Variants in RIN3 observed in about 807,000 individuals in gnomAD.
RIN3 encodes the protein RAB5 interacting protein 3.
In RIN3, 54 loss-of-function variants were observed where a neutral mutation model predicts 76.3. The ratio of observed to expected loss-of-function variants is 0.71; its 90% CI spans 0.57 to 0.89. The LOEUF (loss-of-function observed/expected upper bound fraction) is 0.89. Ranked by LOEUF, RIN3 falls within the 40% of genes least tolerant of loss-of-function variation. RIN3 has a pLI of 0.00. For synonymous variants in RIN3, 576 were observed against 564.0 expected (o/e 1.02, Z -0.30); for missense variants, 1,256 against 1,322.1 (o/e 0.95, Z 0.78).
chr14:92,551,544 C>T (rs751006141), intron 1 of RIN3, among the ~76,000 whole-genome samples: 7 of 152,132 alleles, frequency 4.6e-5, no homozygotes, highest in African/African-American at 7.2e-5. Context: ...CTAAAGTGCT[C>T]GTTCCAATGT....
At chr14:92,683,966 A>G (rs142825351) in intron 8 of RIN3, among the ~76,000 whole-genome samples, 14 of 152,338 alleles carry the variant, frequency 9.2e-5, no homozygotes, top group African/African-American at 3.4e-4. Context: ...GTTGAAATGC[A>G]TTTAATCCAC....
intron 4 of RIN3, 70 bp from the exon 5 acceptor site, chr14:92,641,168 C>T: frequency 8.1e-7 from 1 of 1,234,834 alleles, no homozygotes. Context: ...TGCCAGGGCT[C>T]TTCCTTTGTG....
At chr14:92,675,525 C>G (rs1888429102) in intron 7 of RIN3, among the ~76,000 whole-genome samples, 2 of 152,228 alleles carry the variant, frequency 1.3e-5, no homozygotes, top group Admixed American at 1.3e-4. Context: ...GTCTGGAGAC[C>G]TTTGCCTGAG....
intron 1 of RIN3, among the ~76,000 whole-genome samples, chr14:92,534,318 G>A (rs1388719700): frequency 1.3e-5 from 2 of 148,568 alleles, no homozygotes; most frequent in Admixed American, 6.8e-5. Context: ...GGTGGCTCAC[G>A]CCTATAATCC....
chr14:92,687,870 G>A, intron 9 of RIN3, 56 bp from the exon 10 acceptor site: 1 of 1,433,760 alleles, frequency 7.0e-7, no homozygotes, highest in Non-Finnish European at 9.2e-7. Flanking sequence ...GGCCGGGAGA[G>A]GGCGCCTGAG....
intron 9 of RIN3, chr14:92,687,507 A>C: frequency 5.2e-6 from 1 of 192,122 alleles, no homozygotes. Flanking sequence ...CGCCCGCACT[A>C]TGGGATGCCC....
chr14:92,585,541 A>C (rs1486133398), intron 3 of RIN3, among the ~76,000 whole-genome samples: 2 of 152,224 alleles, frequency 1.3e-5, no homozygotes, highest in Non-Finnish European at 2.9e-5. Context: ...GTCAGCTTCA[A>C]CTACTTAACC....
Position 92,651,959 on chromosome 14 carries a change from G to C in RIN3, c.910G>C (p.Ala304Pro). ...CCAGCCCCCTGTGCTCCCTGCTCTT[G>C]CCCCCGCCCCTGCCTGTCCTTTGCC... is the stretch of plus-strand genomic sequence containing the variant. ...PAQPPVLPAL[A>P]PAPACPLPTS... is the part of the protein sequence containing the mutation. The change falls in exon 6 of 10, where the codon GCC becomes CCC. Residue 304 changes from alanine (A) to proline (P), a missense_variant. This residue lies in a region of RIN3 where 610 missense variants were observed against 626.4 expected (regional missense o/e 0.97). Transcript: ENST00000216487. 6.8e-7 allele frequency: 1 copy of C among 1,470,138 alleles called. No individual in the cohort carries two copies. The allele number at this position is 1,470,138 out of a possible 1,614,324, so 91.1% of individuals were successfully genotyped here.
intron 3 of RIN3, among the ~76,000 whole-genome samples, chr14:92,602,553 A>G (rs953770306): frequency 1.3e-5 from 2 of 152,228 alleles, no homozygotes; most frequent in African/African-American, 4.8e-5. Flanking sequence ...TATTAAAGGT[A>G]GATAATGGAG....
chr14:92,556,757 T>TA (rs1281010318), intron 2 of RIN3, among the ~76,000 whole-genome samples: 1 of 152,226 alleles, frequency 6.6e-6, no homozygotes, highest in Admixed American at 6.5e-5. Context: ...ACCAAAGTGA[T>TA]ACACATATGT....
chr14:92,674,756 G>A (rs1357652677), intron 7 of RIN3, among the ~76,000 whole-genome samples: 2 of 152,080 alleles, frequency 1.3e-5, no homozygotes, highest in Non-Finnish European at 1.5e-5. Context: ...GGGTATGGCA[G>A]CGCACGCCTG....
At chr14:92,556,145 G>C (rs1290845844) in intron 2 of RIN3, among the ~76,000 whole-genome samples, 190 bp downstream of exon 2, 2 of 152,186 alleles carry the variant, frequency 1.3e-5, no homozygotes, top group African/African-American at 4.8e-5. Flanking sequence ...GGGCTGGTGA[G>C]AGGCCTGGTT....
chr14:92,641,619 C>A (rs1006114941), intron 5 of RIN3, among the ~76,000 whole-genome samples: 3 of 152,176 alleles, frequency 2.0e-5, no homozygotes, highest in African/African-American at 2.4e-5. Context: ...AGAAGCCGAG[C>A]TTTACCCCAG....
At chr14:92,686,550 G>C (rs1369037136) in intron 9 of RIN3, 1 of 152,310 alleles carries the variant, frequency 6.6e-6, no homozygotes, top group Admixed American at 6.5e-5. Flanking sequence ...CAGACTGTAG[G>C]GACATGGACA....
intron 4 of RIN3, among the ~76,000 whole-genome samples, chr14:92,620,407 A>C (rs1046162601): frequency 1.3e-5 from 2 of 152,244 alleles, no homozygotes; most frequent in African/African-American, 4.8e-5. Context: ...TACGCAGAAC[A>C]CTTAAATTAT....
At chr14:92,659,672 C>T (rs959230549) in intron 7 of RIN3, 14 of 485,410 alleles carry the variant, frequency 2.9e-5, no homozygotes, top group Admixed American at 1.5e-4. Context: ...GAGCCATGAT[C>T]GGCTGTTGCC....
chr14:92,636,395 T>C (rs10873428), intron 4 of RIN3, among the ~76,000 whole-genome samples: 136,344 of 152,232 alleles, frequency 0.9, 61,283 homozygotes, highest in African/African-American at 0.94. Flanking sequence ...ACCAGCCTGG[T>C]CAACATGGTG....
At chr14:92,561,085 A>T (rs918247732) in intron 2 of RIN3, among the ~76,000 whole-genome samples, 1 of 130,992 alleles carries the variant, frequency 7.6e-6, no homozygotes, top group Admixed American at 8.8e-5. Flanking sequence ...AAATATATAT[A>T]TATCTGCCAT....
intron 1 of RIN3, among the ~76,000 whole-genome samples, chr14:92,553,467 C>T (rs757992590): frequency 2.0e-5 from 3 of 152,078 alleles, no homozygotes; most frequent in Admixed American, 6.5e-5. Context: ...TCAGCCAGGC[C>T]GCCCTGGCCT....
Sources: allele counts gnomAD v4.1 joint callset (sites outside exome capture counted in the v4.1 genomes callset), GRCh38; gene constraint gnomAD v4.1.1; regional missense constraint gnomAD v4.1.1; transcripts MANE v1.5; gene names NCBI Gene and HGNC (gene_info 2026-07-23, HGNC 2026-07-21).